The following PLD5 variants were observed in gnomAD, a reference collection of about 807,000 sequenced individuals.
PLD5 encodes the protein phospholipase D family member 5, also known as inactive phospholipase D5.
In PLD5, 36 loss-of-function variants were observed where a neutral mutation model predicts 61.1. That is an observed-to-expected ratio of 0.59 (90% confidence interval 0.45 to 0.78). The LOEUF (loss-of-function observed/expected upper bound fraction) is 0.78. PLD5 is among the 30% of genes least tolerant of loss of function. The pLI is 0.00. For synonymous variants in PLD5, 243 were observed against 242.8 expected (o/e 1.00, Z -0.01); for missense variants, 515 against 644.4 (o/e 0.80, Z 2.17).
At chr1:242,199,663 T>C (rs1298979137) in intron 5 of PLD5, among the ~76,000 whole-genome samples, 1 of 152,102 alleles carries the variant, frequency 6.6e-6, no homozygotes, top group African/African-American at 2.4e-5. Flanking sequence ...AACTACCCAC[T>C]ATCCACCTCC....
chr1:242,411,465 G>T (rs1664554038), intron 1 of PLD5, among the ~76,000 whole-genome samples: 1 of 152,090 alleles, frequency 6.6e-6, no homozygotes, highest in Admixed American at 6.6e-5. Flanking sequence ...TCGATCTCCT[G>T]ACCTCGTGAT....
chr1:242,134,874 A>C (rs1431784851), intron 5 of PLD5, among the ~76,000 whole-genome samples: 1 of 152,220 alleles, frequency 6.6e-6, no homozygotes, highest in African/African-American at 2.4e-5. Context: ...GAAACATTGC[A>C]GAATGATGAA....
intron 5 of PLD5, among the ~76,000 whole-genome samples, chr1:242,194,618 G>GTATGTATCTATC (rs1668505226): frequency 9.7e-6 from 1 of 102,946 alleles, no homozygotes; most frequent in East Asian, 3.5e-4. Flanking sequence ...ATCTATCTAT[G>GTATGTATCTATC]TATCTATCTA....
rs2148997656 is a variant in PLD5, at chr1:242,216,439, C to T, written c.735+3549G>A. On this transcript the variant is annotated intron_variant, in intron 5 of 9. Coordinates refer to ENST00000536534, the MANE Select transcript of PLD5 (RefSeq NM_001372062.1). ...TAACTTGAGTTAATAGCTTGGGGCA[C>T]AGATACAAAGGAATGTAGATTATTT... Among the ~76,000 whole-genome samples the T allele has an allele frequency of 2.0e-5, 3 of 152,204 alleles. 1 individual carries two copies. In the Middle Eastern group the frequency reaches 0.01, roughly 518 times the overall value.
Position 242,244,003 on chromosome 1 carries a change from C to T in PLD5, c.607+21334G>A, listed in dbSNP as rs554788713. ...TTTAGAAGGCATAAGAGCAATTTTT[C>T]TCTGTTCCTGAAAGCTCCCAAATTG... On this transcript the variant is annotated intron_variant, in intron 4 of 9. Coordinates refer to ENST00000536534, the MANE Select transcript of PLD5 (RefSeq NM_001372062.1). Among the ~76,000 whole-genome samples the T allele has an allele frequency of 5.9e-5, 9 of 152,324 alleles. 1 individual carries two copies. The highest frequency in any genetic ancestry group is 2.2e-4 in the African/African-American group (9 of 41,582).
At position 242,453,906 on chromosome 1, in the gene PLD5, G is replaced by A. The variant is rs141576874; in HGVS notation, c.189+70182C>T. Among the ~76,000 whole-genome samples, 12 of 152,284 alleles carry A rather than the reference G, an allele frequency of 7.9e-5. No homozygotes were observed. The East Asian group carries it at 1.9e-3, about 24-fold the overall frequency. On this transcript the variant is annotated intron_variant, in intron 1 of 9. Coordinates refer to ENST00000536534, the MANE Select transcript of PLD5 (RefSeq NM_001372062.1). ...GTATTTTTGCCTGGCCATTGGATAT[G>A]TTTAGCCTCACCCACTCCTTCTCAG...
chr1:242,348,850 C>T (rs1004139630), intron 1 of PLD5, among the ~76,000 whole-genome samples: 1 of 152,134 alleles, frequency 6.6e-6, no homozygotes, highest in Non-Finnish European at 1.5e-5. Flanking sequence ...GTCAGGAGAT[C>T]AAGACCGTCC....
chr1:242,098,378 C>T (rs768337978), intron 9 of PLD5, among the ~76,000 whole-genome samples: 4 of 152,194 alleles, frequency 2.6e-5, no homozygotes, highest in East Asian at 1.9e-4. Context: ...GCATTCGTCA[C>T]GTAGTTCTCA....
intron 5 of PLD5, among the ~76,000 whole-genome samples, chr1:242,176,738 A>C (rs1045284039): frequency 6.6e-6 from 1 of 152,230 alleles, no homozygotes; most frequent in Non-Finnish European, 1.5e-5. Context: ...AATTTACAAG[A>C]AGAAAAACCA....
chr1:242,245,499 T>C (rs1348232419), intron 4 of PLD5, among the ~76,000 whole-genome samples: 1 of 152,182 alleles, frequency 6.6e-6, no homozygotes, highest in Non-Finnish European at 1.5e-5. Context: ...CGGCGTAGGC[T>C]CCTTGGAGAA....
At chr1:242,318,492 G>C (rs1658168317) in intron 2 of PLD5, among the ~76,000 whole-genome samples, 2 of 152,138 alleles carry the variant, frequency 1.3e-5, no homozygotes, top group Admixed American at 1.3e-4. Context: ...AGCAAGCCTC[G>C]ACACTTCGTT....
intron 5 of PLD5, among the ~76,000 whole-genome samples, chr1:242,160,765 G>A (rs1225845217): frequency 6.6e-6 from 1 of 151,930 alleles, no homozygotes; most frequent in Non-Finnish European, 1.5e-5. Flanking sequence ...CACGCCTGTA[G>A]TCCCAGCTAC....
chr1:242,294,089 T>C (rs560575623), intron 2 of PLD5, among the ~76,000 whole-genome samples: 1 of 152,282 alleles, frequency 6.6e-6, no homozygotes, highest in African/African-American at 2.4e-5. Flanking sequence ...ATCCCTGGAA[T>C]ACCTATTTGC....
chr1:242,150,943 A>G (rs1295065311), intron 5 of PLD5, among the ~76,000 whole-genome samples: 1 of 151,390 alleles, frequency 6.6e-6, no homozygotes, highest in Non-Finnish European at 1.5e-5. Flanking sequence ...CTCTATCCTC[A>G]GCTCATTCTT....
At chr1:242,276,478 A>C (rs1277100931) in intron 3 of PLD5, among the ~76,000 whole-genome samples, 1 of 138,010 alleles carries the variant, frequency 7.2e-6, no homozygotes, top group Non-Finnish European at 1.6e-5. Flanking sequence ...AATTGGAAAG[A>C]ATCCAGGTAT....
chr1:242,448,815 G>A (rs1374646220), intron 1 of PLD5, among the ~76,000 whole-genome samples: 6 of 151,956 alleles, frequency 3.9e-5, no homozygotes. Context: ...GGCTCCTGTT[G>A]TTACTGCCTA....
At chr1:242,475,753 T>A (rs1013688772) in intron 1 of PLD5, among the ~76,000 whole-genome samples, 1 of 152,078 alleles carries the variant, frequency 6.6e-6, no homozygotes, top group African/African-American at 2.4e-5. Flanking sequence ...TAAGTTATAA[T>A]GAGGAAATTA....
intron 2 of PLD5, among the ~76,000 whole-genome samples, chr1:242,304,896 C>T (rs11809947): frequency 6.6e-6 from 1 of 151,864 alleles, no homozygotes; most frequent in Non-Finnish European, 1.5e-5. Context: ...TTGTGCCCAG[C>T]AGTTCAAGAC....
intron 3 of PLD5, among the ~76,000 whole-genome samples, chr1:242,267,992 T>G (rs1322131918): frequency 5.9e-5 from 9 of 152,026 alleles, no homozygotes; most frequent in Non-Finnish European, 7.4e-5. Flanking sequence ...ATGTGCTGAT[T>G]TGCAGATTTT....
Sources: allele counts gnomAD v4.1 joint callset (sites outside exome capture counted in the v4.1 genomes callset), GRCh38; gene constraint gnomAD v4.1.1; transcripts MANE v1.5; gene names NCBI Gene and HGNC (gene_info 2026-07-23, HGNC 2026-07-21).